CCDC171: variants seen among roughly 807,000 people sequenced by gnomAD.
CCDC171 encodes the protein coiled-coil domain containing 171.
A neutral mutation model predicts 168.2 loss-of-function variants in CCDC171; 177 were observed. The ratio of observed to expected loss-of-function variants is 1.05; its 90% CI spans 0.93 to 1.19. The LOEUF is 1.19. Among genes scored for constraint, CCDC171 ranks in the 50% most tolerant of loss-of-function variants. The pLI, the probability that CCDC171 is intolerant of heterozygous loss-of-function variation, is 0.00. For synonymous variants in CCDC171, 687 were observed against 540.8 expected (o/e 1.27, Z -3.75); for missense variants, 1,991 against 1,539.0 (o/e 1.29, Z -4.91).
chr9:15,934,383 C>T (rs2132190366), intron 25 of CCDC171, among the ~76,000 whole-genome samples: 1 of 101,028 alleles, frequency 9.9e-6, no homozygotes, highest in East Asian at 2.9e-4. Flanking sequence ...GTGTGAGACC[C>T]TGTCTCAAAA....
intron 9 of CCDC171, among the ~76,000 whole-genome samples, chr9:15,667,167 C>T (rs2048790968): frequency 6.6e-6 from 1 of 152,034 alleles, no homozygotes; most frequent in Admixed American, 6.6e-5. Flanking sequence ...AATATGTTTC[C>T]AAAAATAAGT....
At chr9:15,965,198 G>A (rs1310515986) in intron 25 of CCDC171, among the ~76,000 whole-genome samples, 5 of 152,160 alleles carry the variant, frequency 3.3e-5, no homozygotes, top group Non-Finnish European at 7.3e-5. Context: ...ATTTACTCCA[G>A]TAAGTACCAC....
the CCDC171 span, among the ~76,000 whole-genome samples, chr9:16,072,762 G>A: frequency 0.46 from 70,295 of 151,760 alleles, 18,565 homozygotes; most frequent in African/African-American, 0.74. Flanking sequence ...CGTCCTATTC[G>A]TTAAGATGCA....
chr9:15,777,576 G>A (rs1439267391), intron 18 of CCDC171, 24 bp from the exon 19 acceptor site: 1 of 1,445,696 alleles, frequency 6.9e-7, no homozygotes, highest in African/African-American at 1.4e-5. Flanking sequence ...ACATTTTTGT[G>A]CCTTTTTTTC....
intron 1 of CCDC171, among the ~76,000 whole-genome samples, chr9:15,563,139 C>CT (rs570575976): frequency 0.012 from 1,676 of 136,730 alleles, 23 homozygotes; most frequent in East Asian, 0.041. Flanking sequence ...CAAGTTACTT[C>CT]TTTTTTTTTT....
chr9:16,017,102 T>C (rs1017649905), intron 3 of CCDC171, among the ~76,000 whole-genome samples: 1 of 152,072 alleles, frequency 6.6e-6, no homozygotes, highest in African/African-American at 2.4e-5. Context: ...GGTGGTGGAG[T>C]AGATTATGTT....
At chr9:16,016,738 T>G (rs1833033145) in intron 3 of CCDC171, among the ~76,000 whole-genome samples, 1 of 152,248 alleles carries the variant, frequency 6.6e-6, no homozygotes, top group African/African-American at 2.4e-5. Flanking sequence ...ATGCATTGTA[T>G]TTAAATTTTG....
chr9:15,571,332 A>G (rs2040204837), intron 2 of CCDC171, among the ~76,000 whole-genome samples: 1 of 152,222 alleles, frequency 6.6e-6, no homozygotes, highest in Non-Finnish European at 1.5e-5. Context: ...GTCTCTTCCA[A>G]AATTATCCAG....
intron 24 of CCDC171, chr9:15,875,479 A>C (rs1817719728): frequency 6.6e-6 from 1 of 152,002 alleles, no homozygotes. Flanking sequence ...TAAAAAAAGA[A>C]AACTATCAAC....
chr9:15,639,610 A>G (rs2046443139), intron 7 of CCDC171, among the ~76,000 whole-genome samples: 1 of 152,042 alleles, frequency 6.6e-6, no homozygotes, highest in South Asian at 2.1e-4. Context: ...TCTCCAGTTT[A>G]TTTCTATTGT....
intron 7 of CCDC171, among the ~76,000 whole-genome samples, chr9:15,625,687 G>A (rs2045018979): frequency 6.6e-6 from 1 of 152,130 alleles, no homozygotes; most frequent in Non-Finnish European, 1.5e-5. Flanking sequence ...TCTCTGTTTT[G>A]GTAGCAGTAC....
the CCDC171 span, among the ~76,000 whole-genome samples, chr9:16,102,702 G>C: frequency 1.3e-5 from 2 of 152,080 alleles, no homozygotes; most frequent in Admixed American, 6.5e-5. Flanking sequence ...TCTGCTTATG[G>C]ATTCCCCTAA....
chr9:15,695,205 C>T (rs767887827), intron 10 of CCDC171, 30 bp from the exon 11 acceptor site: 18 of 1,463,060 alleles, frequency 1.2e-5, no homozygotes, highest in East Asian at 2.3e-5. Flanking sequence ...AATACGTGAC[C>T]TTATGTGTAA....
At chr9:15,728,567 A>C (rs2053961480) in intron 15 of CCDC171, among the ~76,000 whole-genome samples, 1 of 152,332 alleles carries the variant, frequency 6.6e-6, no homozygotes, top group Admixed American at 6.5e-5. Context: ...TTTAGACTGC[A>C]AAAAGTGTAT....
downstream of CCDC171, among the ~76,000 whole-genome samples, chr9:16,065,211 T>G (rs1174624864): frequency 6.6e-6 from 1 of 152,188 alleles, no homozygotes; most frequent in Non-Finnish European, 1.5e-5. Context: ...ATTGTGTTAT[T>G]CTACCATTAA....
chr9:15,764,839 A>C (rs1486418056), intron 18 of CCDC171, among the ~76,000 whole-genome samples: 1 of 152,184 alleles, frequency 6.6e-6, no homozygotes, highest in African/African-American at 2.4e-5. Flanking sequence ...AAAATAGTGA[A>C]GCCTGCATTC....
At chr9:15,943,284 T>C (rs956733876) in intron 25 of CCDC171, among the ~76,000 whole-genome samples, 1 of 151,986 alleles carries the variant, frequency 6.6e-6, no homozygotes, top group African/African-American at 2.4e-5. Context: ...GTCAAAAGAC[T>C]TTTTCTTTAG....
chr9:15,628,316 C>G (rs398178), intron 7 of CCDC171, among the ~76,000 whole-genome samples: 1 of 152,152 alleles, frequency 6.6e-6, no homozygotes, highest in Non-Finnish European at 1.5e-5. Flanking sequence ...AATCGGGTCA[C>G]TCCCACCCCA....
intron 25 of CCDC171, among the ~76,000 whole-genome samples, chr9:15,928,203 A>C (rs944478889): frequency 6.6e-6 from 1 of 151,776 alleles, no homozygotes; most frequent in Admixed American, 6.6e-5. Flanking sequence ...CCATTGTACA[A>C]GTAATTAAAA....
Sources: allele counts gnomAD v4.1 joint callset (sites outside exome capture counted in the v4.1 genomes callset), GRCh38; gene constraint gnomAD v4.1.1; transcripts MANE v1.5; gene names NCBI Gene and HGNC (gene_info 2026-07-23, HGNC 2026-07-21).